The following CFAP70 variants were observed in gnomAD, a reference collection of about 807,000 sequenced individuals.
The protein encoded by CFAP70 is cilia and flagella associated protein 70, also known as cilia- and flagella-associated protein 70.
A neutral mutation model predicts 137.6 loss-of-function variants in CFAP70; 81 were observed. That is an observed-to-expected ratio of 0.59 (90% confidence interval 0.49 to 0.71). The LOEUF (loss-of-function observed/expected upper bound fraction) is 0.71, where lower values mean the gene tolerates loss of function less well. Ranked by LOEUF, CFAP70 falls within the 30% of genes least tolerant of loss-of-function variation. CFAP70 has a pLI of 0.00. For missense variants in CFAP70, 976 were observed against 1,226.7 expected (o/e 0.80, Z 3.05); for synonymous variants, 382 against 423.6 (o/e 0.90, Z 1.20).
At chr10:73,342,942 G>C (rs1476216078) in intron 5 of CFAP70, among the ~76,000 whole-genome samples, 1 of 152,050 alleles carries the variant, frequency 6.6e-6, no homozygotes, top group Non-Finnish European at 1.5e-5. Context: ...CGGGCGCAGT[G>C]GCTCACGCCT....
chr10:73,330,937 G>C (rs944556635), intron 8 of CFAP70, among the ~76,000 whole-genome samples: 3 of 152,164 alleles, frequency 2.0e-5, no homozygotes, highest in Non-Finnish European at 2.9e-5. Flanking sequence ...AGTCTTTAGT[G>C]AACAACGGGG....
In CFAP70 at chr10:73,271,676, T is replaced by G. The variant is rs145798907; in HGVS notation, c.2925+1252A>C. Among the ~76,000 whole-genome samples the G allele has an allele frequency of 3.9e-3, 593 of 152,338 alleles. 2 individuals carry two copies. Among genetic ancestry groups the G allele is most frequent in the African/African-American group, 0.013 (545 of 41,564 alleles). On this transcript the variant is annotated intron_variant, in intron 24 of 26. Transcript: ENST00000310715. The stretch of plus-strand genomic sequence containing the variant: ...TGGAGTTACGGATACTTTAATGTTT[T>G]CTTCATATTTTGTATCTATTTGTCT...
chr10:73,323,325 CG>C (rs1362962767), intron 8 of CFAP70, among the ~76,000 whole-genome samples: 1 of 56,148 alleles, frequency 1.8e-5, no homozygotes, highest in Non-Finnish European at 3.0e-5. Flanking sequence ...GTGTTAATGG[CG>C]GGGGCGGGGG....
At chr10:73,352,819 T>C (rs1343415011) in intron 3 of CFAP70, among the ~76,000 whole-genome samples, 1 of 152,234 alleles carries the variant, frequency 6.6e-6, no homozygotes, top group Non-Finnish European at 1.5e-5. Context: ...AATTCTGATA[T>C]TTGGTGTTTT....
intron 12 of CFAP70, among the ~76,000 whole-genome samples, chr10:73,303,726 TAA>T (rs775014498): frequency 6.6e-6 from 1 of 152,180 alleles, no homozygotes; most frequent in Non-Finnish European, 1.5e-5. Context: ...TTTCAAGATA[TAA>T]AAGTCATAAA....
chr10:73,350,618 T>C (rs1425175465), intron 3 of CFAP70, among the ~76,000 whole-genome samples: 2 of 152,132 alleles, frequency 1.3e-5, no homozygotes, highest in African/African-American at 2.4e-5. Flanking sequence ...TGAATATATA[T>C]ATATTTTTTT....
At chr10:73,309,766 C>T (rs1422958740) in intron 12 of CFAP70, among the ~76,000 whole-genome samples, 1 of 151,460 alleles carries the variant, frequency 6.6e-6, no homozygotes, top group Non-Finnish European at 1.5e-5. Context: ...AAGCAATTCT[C>T]CTGCCTCAGC....
At chr10:73,269,557 T>C in intron 25 of CFAP70, 57 bp downstream of exon 26, 1 of 1,270,658 alleles carries the variant, frequency 7.9e-7, no homozygotes, top group Non-Finnish European at 1.1e-6. Flanking sequence ...CCTTGCTTAC[T>C]TGACCCCTCA....
chr10:73,316,196 C>A (rs1197175594), intron 9 of CFAP70, among the ~76,000 whole-genome samples: 2 of 152,048 alleles, frequency 1.3e-5, no homozygotes, highest in Middle Eastern at 6.8e-3. Context: ...TTACTTCAAA[C>A]TTCTGTGTAT....
chr10:73,311,333 C>G (rs1004620728), intron 11 of CFAP70, among the ~76,000 whole-genome samples: 1 of 152,186 alleles, frequency 6.6e-6, no homozygotes, highest in Admixed American at 6.5e-5. Flanking sequence ...GCAAACAGGT[C>G]TCTTCATCTT....
At chr10:73,358,970 T>C (rs1436809185), upstream of CFAP70, 1 of 152,258 alleles carries the variant, frequency 6.6e-6, no homozygotes, top group Non-Finnish European at 1.5e-5. Flanking sequence ...GGTTTCCACC[T>C]TTACATTTTG....
intron 19 of CFAP70, among the ~76,000 whole-genome samples, chr10:73,287,011 C>G (rs1444395915): frequency 1.3e-5 from 2 of 152,202 alleles, no homozygotes; most frequent in Non-Finnish European, 2.9e-5. Context: ...TTTCCTCGCC[C>G]TCATTCCAGT....
At chr10:73,306,748 A>C (rs1427692334) in intron 12 of CFAP70, among the ~76,000 whole-genome samples, 1 of 152,144 alleles carries the variant, frequency 6.6e-6, no homozygotes, top group African/African-American at 2.4e-5. Flanking sequence ...ATATCTAGTA[A>C]ATTATCCTTC....
intron 8 of CFAP70, among the ~76,000 whole-genome samples, chr10:73,324,770 A>C (rs2051229735): frequency 6.6e-6 from 1 of 152,144 alleles, no homozygotes; most frequent in South Asian, 2.1e-4. Context: ...ATGAAGTGAG[A>C]AGGGAAGTTT....
intron 25 of CFAP70, among the ~76,000 whole-genome samples, chr10:73,262,580 T>G (rs948969601): frequency 1.3e-4 from 20 of 152,160 alleles, no homozygotes; most frequent in Non-Finnish European, 2.6e-4. Context: ...TATAATGAAC[T>G]TATCTTTTAT....
At chr10:73,338,832 A>G (rs947615332) in intron 6 of CFAP70, among the ~76,000 whole-genome samples, 3 of 151,998 alleles carry the variant, frequency 2.0e-5, no homozygotes, top group African/African-American at 7.3e-5. Context: ...TAGTTTCTAC[A>G]GGGCTGACTG....
At chr10:73,358,732 T>C (rs547421741) in exon 1 of CFAP70, 54 of 151,828 alleles carry the variant, frequency 3.6e-4, no homozygotes, top group African/African-American at 1.2e-3. Flanking sequence ...GCCTCAGTTA[T>C]GTTTTTGACA....
chr10:73,294,804 G>A (rs1246314107), intron 15 of CFAP70: 2 of 152,084 alleles, frequency 1.3e-5, no homozygotes, highest in Non-Finnish European at 2.9e-5. Context: ...TTTATTTCTG[G>A]ATCTATTGTA....
chr10:73,348,087 C>A, intron 4 of CFAP70, 69 bp downstream of exon 5: 1 of 1,412,966 alleles, frequency 7.1e-7, no homozygotes, highest in Non-Finnish European at 1.0e-6. Context: ...CTGAATTGAA[C>A]CTTAATAGCA....
Sources: allele counts gnomAD v4.1 joint callset (sites outside exome capture counted in the v4.1 genomes callset), GRCh38; gene constraint gnomAD v4.1.1; transcripts MANE v1.5; gene names NCBI Gene and HGNC (gene_info 2026-07-23, HGNC 2026-07-21).